ADAMTS18: variants seen among roughly 807,000 people sequenced by gnomAD.
ADAMTS18 encodes the protein A disintegrin and metalloproteinase with thrombospondin motifs 18.
A neutral mutation model predicts 165.9 loss-of-function variants in ADAMTS18; 157 were observed. The observed-to-expected ratio is 0.95, with a 90% CI of 0.83 to 1.08. The LOEUF is 1.08. Among genes scored for constraint, ADAMTS18 ranks in the 50% least tolerant of loss-of-function variants. The pLI, the probability that ADAMTS18 is intolerant of heterozygous loss-of-function variation, is 0.00. For missense variants in ADAMTS18, 2,040 were observed against 1,534.0 expected, an observed-to-expected ratio of 1.33 and a Z score of -5.51; for synonymous variants, 782 against 578.2, an observed-to-expected ratio of 1.35 and a Z score of -5.06.
chr16:77,366,556 C>CAAACA (rs2056797633), intron 4 of ADAMTS18, among the ~76,000 whole-genome samples: 3 of 152,006 alleles, frequency 2.0e-5, no homozygotes, highest in African/African-American at 7.3e-5. Flanking sequence ...GAAACTGTCT[C>CAAACA]AAACAAAACA....
chr16:77,293,110 C>G lies in ADAMTS18; in HGVS notation c.3155G>C (p.Ser1052Thr), dbSNP rs2055397305. 1 of 1,614,108 alleles carries G rather than the reference C, an allele frequency of 6.2e-7. No homozygotes were observed. Among genetic ancestry groups the G allele is most frequent in the African/African-American group, 1.3e-5 (1 of 75,024 alleles). ...CGAAGAAGCGACCCACTGTAGCCGGCTGTTCTTGGGGCATCGTCCAAGCAC... is the reference window on the plus strand; with the variant it reads ...CGAAGAAGCGACCCACTGTAGCCGGGTGTTCTTGGGGCATCGTCCAAGCAC... Reference protein sequence around the residue: ...GCVLGRCPKNSRLQWVASSWS... With the variant: ...GCVLGRCPKNTRLQWVASSWS... The change falls in exon 20 of 23, where the codon AGC (serine) becomes ACC (threonine). Residue 1052 changes from serine (S) to threonine (T), a missense_variant. Transcript: ENST00000282849.
chr16:77,378,479 C>A (rs371568915), intron 3 of ADAMTS18, among the ~76,000 whole-genome samples: 2 of 152,128 alleles, frequency 1.3e-5, no homozygotes, highest in East Asian at 3.9e-4. Flanking sequence ...TGTTGGGAGG[C>A]TGAGGCAGGT....
chr16:77,419,326 C>T (rs963707123), intron 3 of ADAMTS18, among the ~76,000 whole-genome samples: 1 of 152,090 alleles, frequency 6.6e-6, no homozygotes, highest in Non-Finnish European at 1.5e-5. Context: ...AATTCACTTC[C>T]CTCTGGTTGT....
chr16:77,287,315 A>G (rs960160752), intron 22 of ADAMTS18, among the ~76,000 whole-genome samples: 1 of 152,202 alleles, frequency 6.6e-6, no homozygotes, highest in African/African-American at 2.4e-5. Flanking sequence ...CGACATTCAT[A>G]GTAGTCACCC....
chr16:77,411,471 A>G (rs1189613632), intron 3 of ADAMTS18, among the ~76,000 whole-genome samples: 1 of 152,002 alleles, frequency 6.6e-6, no homozygotes, highest in Non-Finnish European at 1.5e-5. Context: ...TTAATAATAG[A>G]TCATTATTTT....
At chr16:77,306,333 T>C (rs1008539201) in intron 16 of ADAMTS18, among the ~76,000 whole-genome samples, 3 of 152,138 alleles carry the variant, frequency 2.0e-5, no homozygotes, top group Non-Finnish European at 4.4e-5. Context: ...AATTTACAGC[T>C]TCTTAAGTTG....
Position 77,287,224 on chromosome 16 carries a change from G to T in ADAMTS18, c.3550+2040C>A, listed in dbSNP as rs141582835. Among the ~76,000 whole-genome samples the T allele has an allele frequency of 2.6e-5, 4 of 152,220 alleles. No homozygotes were observed. In the East Asian group the frequency reaches 7.7e-4, roughly 29 times the overall value. ...GGGGCTCAGAGAAGAGGCAAAGAAC[G>T]GAATCTTCTTCCGTCACCATGCGCC... On this transcript the variant is annotated intron_variant, in intron 22 of 22. Coordinates refer to ENST00000282849, the MANE Select transcript of ADAMTS18 (RefSeq NM_199355.4).
At chr16:77,355,857 T>C (rs1359636949) in intron 9 of ADAMTS18, 83 bp downstream of exon 9, 1 of 1,519,140 alleles carries the variant, frequency 6.6e-7, no homozygotes, top group Non-Finnish European at 9.1e-7. Context: ...GTATTTCCAC[T>C]GAGTATTCGT....
chr16:77,368,172 C>A (rs895937819), intron 3 of ADAMTS18, among the ~76,000 whole-genome samples: 1 of 152,128 alleles, frequency 6.6e-6, no homozygotes, highest in Non-Finnish European at 1.5e-5. Flanking sequence ...TTATCACCAC[C>A]CCCATTTACA....
intron 3 of ADAMTS18, among the ~76,000 whole-genome samples, chr16:77,392,125 T>C (rs141089864): frequency 5.3e-5 from 8 of 152,304 alleles, no homozygotes; most frequent in Non-Finnish European, 1.0e-4. Flanking sequence ...GCACACCTGA[T>C]AATGCTCTGG....
At chr16:77,317,800 T>C (rs1465792819) in intron 16 of ADAMTS18, among the ~76,000 whole-genome samples, 1 of 152,174 alleles carries the variant, frequency 6.6e-6, no homozygotes, top group Admixed American at 6.5e-5. Context: ...ATTACCAATA[T>C]CATGGTAGCA....
intron 10 of ADAMTS18, among the ~76,000 whole-genome samples, chr16:77,344,992 G>A (rs1169778585): frequency 2.0e-5 from 3 of 151,630 alleles, no homozygotes; most frequent in Non-Finnish European, 4.4e-5. Context: ...TAATTCCCTG[G>A]ACTTAAGTCA....
chr16:77,416,346 C>G (rs2057530092), intron 3 of ADAMTS18, among the ~76,000 whole-genome samples: 1 of 152,112 alleles, frequency 6.6e-6, no homozygotes, highest in Non-Finnish European at 1.5e-5. Context: ...GGTAAGAAAT[C>G]TGGATTATAT....
chr16:77,421,546 G>C (rs2057602943), intron 3 of ADAMTS18, among the ~76,000 whole-genome samples: 2 of 152,318 alleles, frequency 1.3e-5, no homozygotes, highest in South Asian at 2.1e-4. Context: ...CCCACATTTA[G>C]GGTCTTCTGG....
chr16:77,410,707 G>A (rs566221662), intron 3 of ADAMTS18, among the ~76,000 whole-genome samples: 2 of 152,090 alleles, frequency 1.3e-5, no homozygotes, highest in African/African-American at 4.8e-5. Context: ...AGAAACCGAT[G>A]GTATAAGAAC....
intron 16 of ADAMTS18, among the ~76,000 whole-genome samples, chr16:77,314,894 C>A (rs1264599150): frequency 6.8e-6 from 1 of 147,462 alleles, no homozygotes; most frequent in South Asian, 2.1e-4. Flanking sequence ...CTCATCATGG[C>A]CCTAATAATT....
intron 16 of ADAMTS18, among the ~76,000 whole-genome samples, chr16:77,309,217 G>A (rs75382250): frequency 6.6e-5 from 6 of 91,478 alleles, no homozygotes; most frequent in African/African-American, 1.9e-4. Flanking sequence ...TAGCTGGCTA[G>A]TTTTTTTTTT....
At chr16:77,287,207 GAGAAGAGGCAAAGA>G (rs2144551903) in intron 22 of ADAMTS18, among the ~76,000 whole-genome samples, 1 of 152,290 alleles carries the variant, frequency 6.6e-6, no homozygotes, top group Admixed American at 6.5e-5. Flanking sequence ...GGGGGGCTCA[GAGAAGAGGCAAAGA>G]ACGGAATCTT....
At chr16:77,428,660 T>C (rs1230399062) in intron 3 of ADAMTS18, among the ~76,000 whole-genome samples, 1 of 152,150 alleles carries the variant, frequency 6.6e-6, no homozygotes, top group African/African-American at 2.4e-5. Context: ...GTACCCCTAA[T>C]CCAAAAATTT....
Sources: gnomAD v4.1 joint callset for allele counts (sites outside exome capture counted in the v4.1 genomes callset) on GRCh38, gnomAD v4.1.1 for gene constraint, MANE v1.5 for transcripts, NCBI Gene and HGNC (gene_info 2026-07-23, HGNC 2026-07-21) for gene names.